The following RAB4B variants were observed in gnomAD, a reference collection of about 807,000 sequenced individuals.
The protein encoded by RAB4B is RAB4B, member RAS oncogene family, also known as ras-related protein Rab-4B.
RAB4B carries 15 observed loss-of-function variants against 28.3 expected under a neutral mutation model. That is an observed-to-expected ratio of 0.53 (90% CI 0.35 to 0.82). RAB4B has a LOEUF of 0.82. Ranked by LOEUF, RAB4B falls within the 40% of genes least tolerant of loss-of-function variation. The pLI, the probability that RAB4B is intolerant of heterozygous loss-of-function variation, is 0.01. For synonymous variants in RAB4B, 108 were observed against 116.3 expected (o/e 0.93, Z 0.46); for missense variants, 244 against 288.5 (o/e 0.85, Z 1.12).
chr19:40,782,604 G>A (rs2145041862), intron 3 of RAB4B, among the ~76,000 whole-genome samples: 1 of 152,054 alleles, frequency 6.6e-6, no homozygotes, highest in East Asian at 1.9e-4. Flanking sequence ...CTTGAGGTCA[G>A]GAGTTCAATA....
At chr19:40,790,633 A>G (rs567597427) in intron 7 of RAB4B, among the ~76,000 whole-genome samples, 1 of 147,010 alleles carries the variant, frequency 6.8e-6, no homozygotes, top group Admixed American at 6.9e-5. Flanking sequence ...TCGGCCTCCC[A>G]AAGTGCTGGG....
At chr19:40,783,644 C>A (rs563009878) in intron 3 of RAB4B, 134 bp from the exon 4 acceptor site, 2 of 774,024 alleles carry the variant, frequency 2.6e-6, no homozygotes, top group Non-Finnish European at 3.8e-6. Flanking sequence ...GGTGACCCGA[C>A]CAAGGCCAGG....
At chr19:40,794,366 C>A (rs1296998412) in intron 7 of RAB4B, among the ~76,000 whole-genome samples, 1 of 151,888 alleles carries the variant, frequency 6.6e-6, no homozygotes, top group South Asian at 2.1e-4. Context: ...TGAGCCACTG[C>A]GCCCGGCCTA....
Position 40,787,535 on chromosome 19 carries a change from C to CA in RAB4B, c.*15+569dup, listed in dbSNP as rs1236900250. Among the ~76,000 whole-genome samples the CA allele has an allele frequency of 3.6e-3, 377 of 103,760 alleles. 2 individuals are homozygous for CA. Among genetic ancestry groups the CA allele is most frequent in the African/African-American group, 0.01 (285 of 28,216 alleles). 68.1% of individuals were successfully genotyped at this position (103,760 alleles called of 152,430 possible). ...GGGTGACAAGAGCAAGACTTTGTCT[C>CA]AAAAAAAAAAAAGAAAGAAAGGTCA... is the stretch of plus-strand genomic sequence containing the variant. On this transcript the variant is annotated intron_variant, in intron 7 of 7. Transcript: ENST00000357052.
In RAB4B at chr19:40,780,462, C is replaced by G. The variant is rs1325374746; in HGVS notation, c.175C>G (p.Leu59Val). 2 of 1,613,630 alleles carry G rather than the reference C, an allele frequency of 1.2e-6. No individual in the cohort carries two copies. The highest frequency in any genetic ancestry group is 1.6e-4 in the Middle Eastern group (1 of 6,084). ...VVNVGGKTVK[L>V]QIWDTAGQER... ...CAACGTGGGTGGGAAGACTGTGAAG[C>G]TACAGATTTGGGACACGGCTGGCCA... Residue 59 changes from leucine to valine, a missense_variant, in exon 3 of 8, where the codon CTA becomes GTA. By Grantham distance (32) the Leu-to-Val change is conservative (BLOSUM62 1). Coordinates refer to ENST00000357052, the MANE Select transcript of RAB4B (RefSeq NM_016154.5).
chr19:40,779,742 C>A, intron 1 of RAB4B: 1 of 659,820 alleles, frequency 1.5e-6, no homozygotes, highest in Non-Finnish European at 2.2e-6. Context: ...GAAACTCTGT[C>A]TCAAAAAAAC....
chr19:40,791,702 C>T (rs994954538), intron 7 of RAB4B, among the ~76,000 whole-genome samples: 11 of 152,056 alleles, frequency 7.2e-5, no homozygotes, highest in East Asian at 3.9e-4. Context: ...GGCGTGATTT[C>T]GGCTCACCGC....
At chr19:40,786,329 T>C in intron 5 of RAB4B, 3 of 332,176 alleles carry the variant, frequency 9.0e-6, no homozygotes, top group Non-Finnish European at 5.8e-6. Context: ...AGGCAGAGGG[T>C]TGGGGCCAGG....
chr19:40,782,629 A>G (rs1246225326), intron 3 of RAB4B, among the ~76,000 whole-genome samples: 1 of 151,734 alleles, frequency 6.6e-6, no homozygotes, highest in Non-Finnish European at 1.5e-5. Flanking sequence ...ACTGGCCAAC[A>G]TGGCGAAACC....
intron 5 of RAB4B, 140 bp downstream of exon 5, chr19:40,784,215 G>C: frequency 8.3e-7 from 1 of 1,206,024 alleles, no homozygotes; most frequent in East Asian, 2.6e-5. Flanking sequence ...GTGTTGGCTG[G>C]GTGTAGTGGC....
At position 40,796,630 on chromosome 19, in the gene RAB4B, T is replaced by C; in HGVS notation, c.*76T>C. The C allele has an allele frequency of 6.9e-6, 1 of 144,436 alleles. No homozygotes were observed. The highest frequency in any genetic ancestry group is 1.6e-5 in the Non-Finnish European group (1 of 64,096). 8.9% of individuals were successfully genotyped at this position (144,436 alleles called of 1,614,324 possible). A position where few individuals can be genotyped will look rare whatever the true frequency, so the allele number is the denominator to read the frequency against. On this transcript the variant is annotated 3_prime_UTR_variant, in exon 8 of 8. Coordinates refer to ENST00000357052, the MANE Select transcript of RAB4B (RefSeq NM_016154.5). ...CAGGCCCAGGCTCTGAGAGGCCGTG[T>C]CCTAACCTGCCCTGGCCCCGGAGAA...
chr19:40,782,773 A>G (rs1304160440), intron 3 of RAB4B, among the ~76,000 whole-genome samples: 1 of 151,856 alleles, frequency 6.6e-6, no homozygotes, highest in Non-Finnish European at 1.5e-5. Flanking sequence ...AGATCACGCC[A>G]CTGCACTTCA....
At chr19:40,787,415 A>T (rs2083111089) in intron 7 of RAB4B, among the ~76,000 whole-genome samples, 1 of 151,678 alleles carries the variant, frequency 6.6e-6, no homozygotes, top group African/African-American at 2.4e-5. Flanking sequence ...GGTGCCTGTA[A>T]TCCCAGCTAC....
intron 7 of RAB4B, among the ~76,000 whole-genome samples, chr19:40,788,746 C>T (rs974134883): frequency 1.3e-5 from 2 of 148,554 alleles, no homozygotes; most frequent in African/African-American, 2.5e-5. Context: ...ACCACCATGC[C>T]TGGCTAATTT....
intron 1 of RAB4B, among the ~76,000 whole-genome samples, chr19:40,778,856 A>C (rs978773082): frequency 6.6e-6 from 1 of 152,012 alleles, no homozygotes; most frequent in Non-Finnish European, 1.5e-5. Context: ...TTAGTGGCAA[A>C]GGGTGGGACT....
rs3888948 is a variant in RAB4B at position 40,779,218 on chromosome 19, T to C, written c.17-801T>C. 1.5e-3 allele frequency: 252 copies of C among 169,098 alleles called. 3 individuals carry two copies. The highest frequency in any genetic ancestry group is 5.9e-3 in the African/African-American group (245 of 41,808). 10.5% of individuals were successfully genotyped at this position (169,098 alleles called of 1,614,324 possible). On this transcript the variant is annotated intron_variant, in intron 1 of 7. Coordinates refer to ENST00000357052, the MANE Select transcript of RAB4B (RefSeq NM_016154.5). ...CTTTAGCGACAAAATAGCTAAGATC[T>C]GGGACTCTGGAGCCCTTGGCCTAGG...
At chr19:40,790,469 C>G (rs2083147014) in intron 7 of RAB4B, among the ~76,000 whole-genome samples, 1 of 150,660 alleles carries the variant, frequency 6.6e-6, no homozygotes, top group African/African-American at 2.4e-5. Context: ...CTCCTGGGTT[C>G]ATGCCATTCT....
At chr19:40,791,229 A>T (rs1219289245) in intron 7 of RAB4B, among the ~76,000 whole-genome samples, 1 of 152,056 alleles carries the variant, frequency 6.6e-6, no homozygotes, top group Non-Finnish European at 1.5e-5. Flanking sequence ...ACTTCAGGTG[A>T]TTCACCCGCC....
At position 40,783,956 on chromosome 19, in the gene RAB4B, C is replaced by T. The variant is rs761618952; in HGVS notation, c.311C>T (p.Thr104Met). The change falls in exon 5 of 8, where the codon ACG becomes ATG. Residue 104 changes from threonine to methionine, a missense_variant. Coordinates refer to ENST00000357052, the MANE Select transcript of RAB4B (RefSeq NM_016154.5). The stretch of plus-strand genomic sequence containing the variant: ...TACAACTCACTGGCTGCCTGGCTGA[C>T]GGATGCCCGCACCCTGGCCAGCCCC... ...ETYNSLAAWL[T>M]DARTLASPNI... 1.3e-5 allele frequency: 21 copies of T among 1,612,932 alleles called. No homozygotes were observed. The highest frequency in any genetic ancestry group is 5.5e-5 in the South Asian group (5 of 91,028).
Sources: gnomAD v4.1 joint callset for allele counts (sites outside exome capture counted in the v4.1 genomes callset) on GRCh38, gnomAD v4.1.1 for gene constraint, MANE v1.5 for transcripts, NCBI Gene and HGNC (gene_info 2026-07-23, HGNC 2026-07-21) for gene names.